Variants in EPHA3 observed in about 807,000 individuals in gnomAD.
EPHA3 encodes the protein ephrin type-A receptor 3.
EPHA3 carries 42 observed loss-of-function variants against 107.1 expected under a neutral mutation model. The observed-to-expected ratio is 0.39, with a 90% CI of 0.31 to 0.51. The LOEUF (loss-of-function observed/expected upper bound fraction) is 0.51. EPHA3 is among the 20% of genes least tolerant of loss of function. The probability of loss-of-function intolerance (pLI) is 0.78; values close to 1 mark genes in which losing one functional copy is unlikely to be tolerated. For synonymous variants in EPHA3, 461 were observed against 424.8 expected (o/e 1.09, Z -1.05); for missense variants, 1,183 against 1,211.2 (o/e 0.98, Z 0.35).
chr3:89,116,364 T>C (rs753622924), intron 1 of EPHA3, among the ~76,000 whole-genome samples: 33 of 152,226 alleles, frequency 2.2e-4, no homozygotes, highest in Middle Eastern at 6.8e-3. Context: ...TAGAACATGG[T>C]CCAAAAAGTA....
chr3:89,439,422 C>T (rs897894610), intron 13 of EPHA3, among the ~76,000 whole-genome samples: 1 of 152,086 alleles, frequency 6.6e-6, no homozygotes, highest in African/African-American at 2.4e-5. Context: ...TATGCCATTG[C>T]ACTTTAGGCT....
chr3:89,192,602 G>T (rs554619684), intron 2 of EPHA3, among the ~76,000 whole-genome samples: 59 of 152,042 alleles, frequency 3.9e-4, no homozygotes, highest in Admixed American at 1.5e-3. Context: ...CAAAATATTT[G>T]CCTTCTGGTA....
intron 3 of EPHA3, among the ~76,000 whole-genome samples, chr3:89,261,306 A>G (rs982477239): frequency 1.3e-5 from 2 of 152,062 alleles, no homozygotes; most frequent in Non-Finnish European, 2.9e-5. Flanking sequence ...TTTTTTTCCC[A>G]TCAGAATGCT....
chr3:89,395,194 C>G (rs1470155374), intron 5 of EPHA3, among the ~76,000 whole-genome samples: 3 of 152,088 alleles, frequency 2.0e-5, no homozygotes, highest in African/African-American at 7.2e-5. Context: ...CAGTCATTTC[C>G]TTGGTACCTC....
At chr3:89,203,203 TG>T (rs995707899) in intron 2 of EPHA3, among the ~76,000 whole-genome samples, 1 of 151,646 alleles carries the variant, frequency 6.6e-6, no homozygotes, top group South Asian at 2.1e-4. Flanking sequence ...TTCTCAGTGT[TG>T]GGGGTTAGAA....
intron 3 of EPHA3, among the ~76,000 whole-genome samples, chr3:89,246,283 G>A (rs1559617375): frequency 6.6e-6 from 1 of 152,038 alleles, no homozygotes; most frequent in African/African-American, 2.4e-5. Context: ...TAGTGTTTTA[G>A]GCACTCAAAG....
chr3:89,258,472 A>G (rs1705339279), intron 3 of EPHA3, among the ~76,000 whole-genome samples: 1 of 152,194 alleles, frequency 6.6e-6, no homozygotes, highest in South Asian at 2.1e-4. Context: ...TCGTGTATTT[A>G]GTAGTAATTG....
At chr3:89,362,010 T>G (rs1478115840) in intron 5 of EPHA3, among the ~76,000 whole-genome samples, 1 of 151,140 alleles carries the variant, frequency 6.6e-6, no homozygotes, top group East Asian at 1.9e-4. Context: ...CTCAAGGTCC[T>G]GATTATAATT....
At chr3:89,329,010 C>T (rs1259049997) in intron 3 of EPHA3, among the ~76,000 whole-genome samples, 2 of 152,186 alleles carry the variant, frequency 1.3e-5, no homozygotes, top group African/African-American at 4.8e-5. Context: ...CCTTTCCCAC[C>T]CTCTTCCCAA....
chr3:89,265,741 TGTC>T (rs1320105064), intron 3 of EPHA3, among the ~76,000 whole-genome samples: 1 of 152,100 alleles, frequency 6.6e-6, no homozygotes, highest in Non-Finnish European at 1.5e-5. Flanking sequence ...TCACTCCTTT[TGTC>T]ATGTGGACAT....
intron 3 of EPHA3, among the ~76,000 whole-genome samples, chr3:89,251,167 A>G (rs1302738397): frequency 3.3e-5 from 5 of 152,172 alleles, no homozygotes; most frequent in Non-Finnish European, 7.4e-5. Flanking sequence ...AGATACTTTT[A>G]TCAAACTACT....
chr3:89,362,678 T>A (rs543658916), intron 5 of EPHA3, among the ~76,000 whole-genome samples: 5 of 151,030 alleles, frequency 3.3e-5, no homozygotes, highest in African/African-American at 1.2e-4. Flanking sequence ...CATGTGTGAT[T>A]GGGTGTTTGT....
At chr3:89,292,135 T>A (rs1156648233) in intron 3 of EPHA3, among the ~76,000 whole-genome samples, 1 of 152,066 alleles carries the variant, frequency 6.6e-6, no homozygotes, top group East Asian at 1.9e-4. Context: ...TACTGGAAAG[T>A]AAGGAGGGAT....
intron 10 of EPHA3, among the ~76,000 whole-genome samples, chr3:89,415,562 T>C (rs1489432237): frequency 6.7e-6 from 1 of 149,132 alleles, no homozygotes; most frequent in African/African-American, 2.4e-5. Flanking sequence ...CTCTCTTGTA[T>C]ACATTGGACT....
intron 2 of EPHA3, among the ~76,000 whole-genome samples, chr3:89,197,487 CTT>C (rs536307712): frequency 8.6e-4 from 131 of 151,640 alleles, no homozygotes; most frequent in African/African-American, 2.9e-3. Context: ...GAATATATCT[CTT>C]GACGTGTTAT....
intron 2 of EPHA3, among the ~76,000 whole-genome samples, chr3:89,137,496 G>GTT (rs759653560): frequency 1.1e-4 from 17 of 151,802 alleles, no homozygotes; most frequent in Non-Finnish European, 2.2e-4. Flanking sequence ...TACTTTTTAC[G>GTT]TAAGTCCCAT....
At chr3:89,467,773 A>G (rs1244647334) in intron 15 of EPHA3, among the ~76,000 whole-genome samples, 1 of 152,174 alleles carries the variant, frequency 6.6e-6, no homozygotes, top group Non-Finnish European at 1.5e-5. Flanking sequence ...GAAGAAAGTT[A>G]TTTTTCACTT....
intron 3 of EPHA3, among the ~76,000 whole-genome samples, chr3:89,218,352 C>A (rs539970085): frequency 7.1e-6 from 1 of 141,300 alleles, no homozygotes; most frequent in African/African-American, 2.6e-5. Flanking sequence ...CATGTGTTCT[C>A]GTTGTTCAAT....
At chr3:89,390,626 C>T (rs1708708120) in intron 5 of EPHA3, among the ~76,000 whole-genome samples, 1 of 147,718 alleles carries the variant, frequency 6.8e-6, no homozygotes, top group Non-Finnish European at 1.5e-5. Context: ...AAAAGTGGTA[C>T]TTTGCATCTC....
Sources: allele counts gnomAD v4.1 joint callset (sites outside exome capture counted in the v4.1 genomes callset), GRCh38; gene constraint gnomAD v4.1.1; transcripts MANE v1.5; gene names NCBI Gene and HGNC (gene_info 2026-07-23, HGNC 2026-07-21).